Variants in MARCHF8 observed in about 807,000 individuals in gnomAD.
The protein encoded by MARCHF8 is E3 ubiquitin-protein ligase MARCHF8.
A neutral mutation model predicts 51.6 loss-of-function variants in MARCHF8; 40 were observed. The observed-to-expected ratio is 0.77, with a 90% CI of 0.60 to 1.01. MARCHF8 has a LOEUF of 1.01. MARCHF8 is among the 50% of genes least tolerant of loss of function. MARCHF8 has a pLI of 0.00. For missense variants in MARCHF8, 685 were observed against 708.6 expected, an observed-to-expected ratio of 0.97 and a Z score of 0.38; for synonymous variants, 263 against 280.3, an observed-to-expected ratio of 0.94 and a Z score of 0.62.
At chr10:45,544,090 A>C (rs1266080994) in intron 1 of MARCHF8, among the ~76,000 whole-genome samples, 2 of 152,136 alleles carry the variant, frequency 1.3e-5, no homozygotes, top group Non-Finnish European at 2.9e-5. Context: ...TAAAATAATG[A>C]AGACATATGA....
rs2043459113 is a variant in MARCHF8, at chr10:45,509,751, G to A, written c.103-20334C>T. ...AAAAGCCACTTCCTGGGAGGCCCAT[G>A]AGTCTTAGGATATTTTAGGGACCTC... On this transcript the variant is annotated intron_variant, in intron 2 of 7. Coordinates refer to ENST00000453424, the MANE Select transcript of MARCHF8 (RefSeq NM_001282866.2). Among the ~76,000 whole-genome samples, 7 of 152,278 alleles carry A rather than the reference G, an allele frequency of 4.6e-5. No individual in the cohort carries two copies. In the South Asian group the frequency reaches 1.5e-3, roughly 32 times the overall value.
chr10:45,552,498 T>C (rs901255086), intron 1 of MARCHF8, among the ~76,000 whole-genome samples: 24 of 152,318 alleles, frequency 1.6e-4, no homozygotes, highest in African/African-American at 5.8e-4. Flanking sequence ...AAATCAGGAA[T>C]AGTTTTTAAA....
chr10:45,517,274 T>A (rs1375986345), intron 2 of MARCHF8, among the ~76,000 whole-genome samples: 1 of 152,168 alleles, frequency 6.6e-6, no homozygotes, highest in Non-Finnish European at 1.5e-5. Context: ...AATAGTAATA[T>A]GAATATAATG....
chr10:45,557,217 T>C (rs1228824454), intron 1 of MARCHF8, among the ~76,000 whole-genome samples: 1 of 134,982 alleles, frequency 7.4e-6, no homozygotes, highest in Non-Finnish European at 1.5e-5. Context: ...AACCTCCGCC[T>C]CCCTGGGTCA....
chr10:45,560,461 C>T (rs765614842), intron 1 of MARCHF8, among the ~76,000 whole-genome samples: 4 of 152,140 alleles, frequency 2.6e-5, no homozygotes, highest in Admixed American at 2.0e-4. Context: ...CTGCTCACTC[C>T]GGGGAGGGCG....
intron 1 of MARCHF8, among the ~76,000 whole-genome samples, chr10:45,578,464 G>T (rs1010490831): frequency 1.3e-5 from 2 of 152,124 alleles, no homozygotes; most frequent in South Asian, 2.1e-4. Flanking sequence ...ATAAATAAAT[G>T]GGATGTGGAG....
chr10:45,582,909 T>C (rs1484262296), intron 1 of MARCHF8, among the ~76,000 whole-genome samples: 1 of 152,168 alleles, frequency 6.6e-6, no homozygotes, highest in African/African-American at 2.4e-5. Context: ...TAACTAAATA[T>C]TTCTTATTGA....
At chr10:45,489,303 C>T (rs1164566807) in intron 3 of MARCHF8, 64 bp downstream of exon 3, 1 of 1,181,384 alleles carries the variant, frequency 8.5e-7, no homozygotes, top group East Asian at 2.4e-5. Flanking sequence ...AGTATAAACA[C>T]ATGTAAGGCA....
At chr10:45,490,848 C>T (rs2133091194) in intron 2 of MARCHF8, among the ~76,000 whole-genome samples, 1 of 152,160 alleles carries the variant, frequency 6.6e-6, no homozygotes, top group Admixed American at 6.6e-5. Context: ...AGTGATCCTC[C>T]TGCCTCAGCC....
At chr10:45,512,406 GC>G (rs1208346075) in intron 2 of MARCHF8, among the ~76,000 whole-genome samples, 3 of 148,380 alleles carry the variant, frequency 2.0e-5, no homozygotes, top group African/African-American at 5.0e-5. Context: ...CGGGGGGTCA[GC>G]CCCCCGCCCG....
intron 1 of MARCHF8, among the ~76,000 whole-genome samples, chr10:45,546,410 G>A (rs532593024): frequency 8.5e-5 from 13 of 152,130 alleles, no homozygotes; most frequent in Admixed American, 3.3e-4. Flanking sequence ...CAATCCGCCC[G>A]CCTTGGCCTT....
intron 2 of MARCHF8, among the ~76,000 whole-genome samples, chr10:45,507,616 G>A (rs1005360877): frequency 6.6e-6 from 1 of 152,100 alleles, no homozygotes; most frequent in Non-Finnish European, 1.5e-5. Context: ...CATTCATGAG[G>A]GATCCGCCTC....
intron 2 of MARCHF8, among the ~76,000 whole-genome samples, chr10:45,527,364 C>T (rs902734401): frequency 7.2e-5 from 11 of 151,960 alleles, no homozygotes; most frequent in African/African-American, 1.2e-4. Context: ...AAATTGACAG[C>T]CTACTAGCTA....
At chr10:45,593,422 C>T (rs186324409) in intron 1 of MARCHF8, 4 of 152,284 alleles carry the variant, frequency 2.6e-5, no homozygotes, top group East Asian at 1.9e-4. Flanking sequence ...GAACTCAGTT[C>T]TCTCAAAATC....
intron 1 of MARCHF8, among the ~76,000 whole-genome samples, chr10:45,542,857 ATTAT>A (rs1011907263): frequency 4.6e-5 from 7 of 152,220 alleles, no homozygotes; most frequent in African/African-American, 1.7e-4. Flanking sequence ...TTCCTGGATC[ATTAT>A]TTAAGATAAT....
At chr10:45,559,725 TAAAAA>T (rs931808131) in intron 1 of MARCHF8, among the ~76,000 whole-genome samples, 1 of 151,988 alleles carries the variant, frequency 6.6e-6, no homozygotes, top group Non-Finnish European at 1.5e-5. Context: ...TAGAAACCCA[TAAAAA>T]AAATTCCAAG....
rs969250951 is a variant in MARCHF8, at chr10:45,457,910, C to A, written c.*329G>T. The A allele has an allele frequency of 2.1e-5, 6 of 280,792 alleles. No homozygotes were observed. In the Admixed American group the frequency reaches 3.1e-4, roughly 14 times the overall value. The allele number at this position is 280,792 out of a possible 1,614,324, so 17.4% of individuals were successfully genotyped here. On this transcript the variant is annotated 3_prime_UTR_variant, in exon 8 of 8. Transcript: ENST00000453424. Reference sequence around the variant, plus strand: ...CGGCTGGGTATCAGGGCCTGGGCACCCCTGCTCCTCCTCTTCCCTTGGGAT... The same window carrying A: ...CGGCTGGGTATCAGGGCCTGGGCACACCTGCTCCTCCTCTTCCCTTGGGAT...
chr10:45,563,243 TCTCAAGCTCCTGGC>T (rs1474889849), intron 1 of MARCHF8, among the ~76,000 whole-genome samples: 1 of 152,132 alleles, frequency 6.6e-6, no homozygotes, highest in Non-Finnish European at 1.5e-5. Flanking sequence ...TCCAGGCTGG[TCTCAAGCTCCTGGC>T]CTCAAGCAAT....
intron 2 of MARCHF8, among the ~76,000 whole-genome samples, chr10:45,518,902 G>A (rs1168403975): frequency 6.6e-6 from 1 of 152,096 alleles, no homozygotes; most frequent in Non-Finnish European, 1.5e-5. Context: ...AATCAAAATG[G>A]CTTAGCTTTT....
Sources: gnomAD v4.1 joint callset for allele counts (sites outside exome capture counted in the v4.1 genomes callset) on GRCh38, gnomAD v4.1.1 for gene constraint, MANE v1.5 for transcripts, NCBI Gene and HGNC (gene_info 2026-07-23, HGNC 2026-07-21) for gene names.